Variants in CPNE8 observed in about 807,000 individuals in gnomAD.
The protein encoded by CPNE8 is copine-8.
In CPNE8, 45 loss-of-function variants were observed where a neutral mutation model predicts 81.5. The observed-to-expected ratio is 0.55, with a 90% CI of 0.44 to 0.71. CPNE8 has a LOEUF of 0.71. CPNE8 is among the 30% of genes least tolerant of loss of function. The probability of loss-of-function intolerance (pLI) is 0.00; values close to 1 mark genes in which losing one functional copy is unlikely to be tolerated. For synonymous variants in CPNE8, 252 were observed against 226.3 expected (o/e 1.11, Z -1.02); for missense variants, 594 against 672.1 (o/e 0.88, Z 1.28).
chr12:38,786,311 A>G (rs1942187019), intron 6 of CPNE8, among the ~76,000 whole-genome samples: 1 of 152,184 alleles, frequency 6.6e-6, no homozygotes, highest in Non-Finnish European at 1.5e-5. Flanking sequence ...TGCTGCCAAA[A>G]GAGATTAACA....
rs941839912 is a variant in CPNE8 at position 38,677,879 on chromosome 12, C to T, written c.1272-325G>A. On this transcript the variant is annotated intron_variant, in intron 16 of 19. Transcript: ENST00000331366. ...ATGGACTTATCCTGACTAAGCAACA[C>T]ATTATGTAAGTGATCTTCAGTAAAT... Among the ~76,000 whole-genome samples the T allele has an allele frequency of 2.6e-5, 4 of 152,002 alleles. No individual in the cohort carries two copies. The South Asian group carries it at 8.3e-4, about 32-fold the overall frequency.
At chr12:38,666,748 T>C (rs1383680711) in intron 19 of CPNE8, among the ~76,000 whole-genome samples, 1 of 152,124 alleles carries the variant, frequency 6.6e-6, no homozygotes. Context: ...AAATGCCATG[T>C]TTAGGTGTTA....
At chr12:38,792,416 C>A (rs1477303309) in intron 6 of CPNE8, among the ~76,000 whole-genome samples, 1 of 150,068 alleles carries the variant, frequency 6.7e-6, no homozygotes, top group Non-Finnish European at 1.5e-5. Context: ...ACTGATGCTG[C>A]AGAAATGAAA....
chr12:38,819,979 T>A (rs527806132), intron 6 of CPNE8, among the ~76,000 whole-genome samples: 1 of 152,058 alleles, frequency 6.6e-6, no homozygotes, highest in East Asian at 1.9e-4. Flanking sequence ...CATCAAACTA[T>A]GCCATACACA....
chr12:38,779,086 C>A (rs2136898732), intron 6 of CPNE8, among the ~76,000 whole-genome samples: 1 of 152,236 alleles, frequency 6.6e-6, no homozygotes, highest in Middle Eastern at 3.4e-3. Context: ...TATTTGTGAA[C>A]TATGAGTTTA....
chr12:38,832,891 T>C (rs1943312069), intron 5 of CPNE8, among the ~76,000 whole-genome samples: 1 of 152,134 alleles, frequency 6.6e-6, no homozygotes, highest in Admixed American at 6.5e-5. Flanking sequence ...AAAGCAAGAA[T>C]TTGTCTTTTT....
At chr12:38,897,335 T>C (rs554661217) in intron 1 of CPNE8, among the ~76,000 whole-genome samples, 6 of 152,204 alleles carry the variant, frequency 3.9e-5, no homozygotes, top group Non-Finnish European at 8.8e-5. Flanking sequence ...TTATTAATCA[T>C]TTCAGTTCTA....
chr12:38,715,515 C>A (rs1299427697), intron 13 of CPNE8, among the ~76,000 whole-genome samples: 3 of 151,982 alleles, frequency 2.0e-5, no homozygotes, highest in African/African-American at 7.2e-5. Context: ...AAATGTGATA[C>A]ATCACATAAA....
At chr12:38,708,361 T>A (rs1266232020) in intron 13 of CPNE8, among the ~76,000 whole-genome samples, 2 of 141,202 alleles carry the variant, frequency 1.4e-5, no homozygotes, top group African/African-American at 5.0e-5. Context: ...AAAAAAAAAA[T>A]CAATCGTGTC....
At chr12:38,891,183 A>G (rs1516557) in intron 1 of CPNE8, among the ~76,000 whole-genome samples, 132,529 of 151,836 alleles carry the variant, frequency 0.87, 58,088 homozygotes, top group Non-Finnish European at 0.92. Context: ...CACCCACCTC[A>G]GCCTCGCAAA....
At chr12:38,811,213 G>A (rs1375726446) in intron 6 of CPNE8, among the ~76,000 whole-genome samples, 3 of 136,372 alleles carry the variant, frequency 2.2e-5, no homozygotes, top group South Asian at 2.3e-4. Flanking sequence ...GCAGTATTGC[G>A]TATATAAAAA....
chr12:38,843,459 G>A (rs1943505739), intron 4 of CPNE8, among the ~76,000 whole-genome samples: 1 of 151,924 alleles, frequency 6.6e-6, no homozygotes, highest in African/African-American at 2.4e-5. Context: ...CAGTAGGGAG[G>A]TTCTTTCCAC....
At chr12:38,715,546 G>A (rs533776961) in intron 13 of CPNE8, among the ~76,000 whole-genome samples, 3 of 151,996 alleles carry the variant, frequency 2.0e-5, no homozygotes, top group African/African-American at 2.4e-5. Context: ...AAAAACATAC[G>A]ATCATCTCAA....
intron 10 of CPNE8, among the ~76,000 whole-genome samples, chr12:38,735,274 A>T (rs1774723375): frequency 6.6e-6 from 1 of 152,030 alleles, no homozygotes. Context: ...GACCCCTTGG[A>T]CTGAAATGTA....
chr12:38,797,674 C>A (rs141199600), intron 6 of CPNE8, among the ~76,000 whole-genome samples: 3,518 of 152,222 alleles, frequency 0.023, 69 homozygotes, highest in Non-Finnish European at 0.037. Context: ...AGTTCCTCAC[C>A]AGCAACAGAA....
chr12:38,752,453 C>T (rs1941370528), intron 10 of CPNE8, among the ~76,000 whole-genome samples: 1 of 152,182 alleles, frequency 6.6e-6, no homozygotes, highest in Non-Finnish European at 1.5e-5. Context: ...CCTGGACTCC[C>T]TGGGCCACCC....
chr12:38,749,662 C>A (rs573160957), intron 10 of CPNE8, among the ~76,000 whole-genome samples: 3 of 152,056 alleles, frequency 2.0e-5, no homozygotes, highest in Non-Finnish European at 4.4e-5. Context: ...TTTGCCCCTA[C>A]CCTAACAATT....
intron 3 of CPNE8, among the ~76,000 whole-genome samples, chr12:38,858,117 G>A (rs181488029): frequency 5.9e-5 from 9 of 152,236 alleles, no homozygotes; most frequent in Non-Finnish European, 1.0e-4. Flanking sequence ...TGTAAACATC[G>A]AAATAACTTG....
At chr12:38,700,265 G>A (rs1445142470) in intron 14 of CPNE8, among the ~76,000 whole-genome samples, 1 of 127,872 alleles carries the variant, frequency 7.8e-6, no homozygotes, top group Non-Finnish European at 1.6e-5. Flanking sequence ...TTGAGATGGA[G>A]TCTTGCTCTG....
Sources: allele counts gnomAD v4.1 joint callset (sites outside exome capture counted in the v4.1 genomes callset), GRCh38; gene constraint gnomAD v4.1.1; transcripts MANE v1.5; gene names NCBI Gene and HGNC (gene_info 2026-07-23, HGNC 2026-07-21).